SLCO6A1: variants seen among roughly 807,000 people sequenced by gnomAD.
SLCO6A1 encodes the protein cancer/testis antigen 48.
Under a neutral mutation model 72.7 loss-of-function variants are expected in SLCO6A1, and 65 were observed. The observed-to-expected ratio is 0.89, with a 90% CI of 0.73 to 1.10. The LOEUF is 1.10. SLCO6A1 is among the 50% of genes least tolerant of loss of function. The pLI is 0.00. For missense variants in SLCO6A1, 874 were observed against 872.6 expected (o/e 1.00, Z -0.02); for synonymous variants, 314 against 298.2 (o/e 1.05, Z -0.55).
At chr5:102,385,216 T>TA (rs1746347932) in intron 12 of SLCO6A1, among the ~76,000 whole-genome samples, 1 of 152,150 alleles carries the variant, frequency 6.6e-6, no homozygotes, top group Non-Finnish European at 1.5e-5. Context: ...GCTTTTCTCT[T>TA]ACTGCTTTCA....
At chr5:102,386,435 G>A (rs1466663225) in intron 12 of SLCO6A1, among the ~76,000 whole-genome samples, 1 of 152,172 alleles carries the variant, frequency 6.6e-6, no homozygotes, top group Non-Finnish European at 1.5e-5. Context: ...GTCTGCAGGG[G>A]CCAGGACTGC....
chr5:102,441,626 T>C (rs751341839), intron 6 of SLCO6A1, among the ~76,000 whole-genome samples: 5 of 152,226 alleles, frequency 3.3e-5, no homozygotes, highest in African/African-American at 4.8e-5. Context: ...ATTGGATTCA[T>C]AGATTATTTA....
chr5:102,412,986 T>C lies in SLCO6A1; in HGVS notation c.1626+4A>G. 7.8e-7 allele frequency: 1 copy of C among 1,274,400 alleles called. No individual in the cohort carries two copies. Among genetic ancestry groups the C allele is most frequent in the Non-Finnish European group, 1.0e-6 (1 of 977,422 alleles). The allele number at this position is 1,274,400 out of a possible 1,614,324, so 78.9% of individuals were successfully genotyped here. ...AAAACATAATAATTATAAAAAATAA[T>C]TACCTTTTTTTGGTTTTGTGCTTTA... On this transcript the variant is annotated splice_donor_region_variant and intron_variant, in intron 9 of 13. Coordinates refer to ENST00000506729, the MANE Select transcript of SLCO6A1 (RefSeq NM_173488.5).
chr5:102,490,938 G>A (rs528490129), intron 1 of SLCO6A1, among the ~76,000 whole-genome samples: 7 of 152,178 alleles, frequency 4.6e-5, no homozygotes, highest in African/African-American at 1.2e-4. Flanking sequence ...AGCTGGCTCC[G>A]GTAGCCTGCT....
chr5:102,390,099 G>T (rs551025692), intron 11 of SLCO6A1, among the ~76,000 whole-genome samples: 6 of 151,978 alleles, frequency 3.9e-5, no homozygotes, highest in African/African-American at 1.4e-4. Context: ...AAAATTATCT[G>T]GCAGAAAAAC....
chr5:102,441,187 A>T (rs1749813950), intron 6 of SLCO6A1, among the ~76,000 whole-genome samples: 1 of 152,142 alleles, frequency 6.6e-6, no homozygotes, highest in East Asian at 1.9e-4. Context: ...CCTCTATACC[A>T]CAGAGGTATT....
intron 7 of SLCO6A1, among the ~76,000 whole-genome samples, chr5:102,433,759 G>A (rs961796022): frequency 1.3e-5 from 2 of 152,118 alleles, no homozygotes; most frequent in East Asian, 1.9e-4. Flanking sequence ...CAGCAGCAGC[G>A]GCAGCATGGC....
At chr5:102,379,722 T>C (rs1415287101) in intron 12 of SLCO6A1, among the ~76,000 whole-genome samples, 1 of 150,742 alleles carries the variant, frequency 6.6e-6, no homozygotes, top group Non-Finnish European at 1.5e-5. Context: ...ATTCTCATAG[T>C]AATTCTTACC....
At chr5:102,402,269 C>T (rs779125992) in intron 9 of SLCO6A1, among the ~76,000 whole-genome samples, 9 of 152,108 alleles carry the variant, frequency 5.9e-5, no homozygotes, top group African/African-American at 2.2e-4. Flanking sequence ...TAGAAAGAGC[C>T]TCAAGATGAA....
At chr5:102,440,296 G>A (rs1476256366) in intron 6 of SLCO6A1, among the ~76,000 whole-genome samples, 1 of 152,148 alleles carries the variant, frequency 6.6e-6, no homozygotes, top group Admixed American at 6.5e-5. Context: ...AGCAGGAGGT[G>A]AGTGGCAGGC....
chr5:102,458,843 G>A (rs1198768227), intron 5 of SLCO6A1, among the ~76,000 whole-genome samples: 5 of 152,022 alleles, frequency 3.3e-5, no homozygotes, highest in African/African-American at 1.2e-4. Context: ...AAATATGAGG[G>A]AATAATCTTT....
Position 102,419,905 on chromosome 5 carries a change from ATATCACAGATG to A in SLCO6A1, c.1382_1392del (p.Thr461IlefsTer14). ...ATAATAAACACAAGCAGTATAAGTG[ATATCACAGATG>A]TAACCATTATAAATCTCATAAGGGC... On this transcript the variant is annotated frameshift_variant, in exon 8 of 14. Transcript: ENST00000506729. LOFTEE classifies it high-confidence loss of function. 6.2e-7 allele frequency: 1 copy of A among 1,608,772 alleles called. No homozygotes were observed. Among genetic ancestry groups the A allele is most frequent in the Non-Finnish European group, 8.5e-7 (1 of 1,178,414 alleles).
At position 102,458,387 on chromosome 5, in the gene SLCO6A1, G is replaced by A. The variant is rs1275141357; in HGVS notation, c.1126C>T (p.Leu376Phe). Reference sequence around the variant, plus strand: ...AGTAAAATATTTTACTTTACCCAAAGAGCAGCACATAAATCCTTGATATTA... The same window carrying A: ...AGTAAAATATTTTACTTTACCCAAAAAGCAGCACATAAATCCTTGATATTA... ...GTNIKDLCAA[L>F]WILMKNPVLI... Residue 376 changes from leucine to phenylalanine, a missense_variant, in exon 6 of 14, where the codon CTT (leucine) becomes TTT (phenylalanine). Coordinates refer to ENST00000506729, the MANE Select transcript of SLCO6A1 (RefSeq NM_173488.5). 14 of 1,603,224 alleles carry A rather than the reference G, an allele frequency of 8.7e-6. No individual in the cohort carries two copies. In the East Asian group the frequency reaches 2.7e-4, roughly 31 times the overall value.
chr5:102,382,623 A>C (rs1746171078), intron 12 of SLCO6A1, among the ~76,000 whole-genome samples: 1 of 151,588 alleles, frequency 6.6e-6, no homozygotes, highest in South Asian at 2.1e-4. Flanking sequence ...TGAACATAGG[A>C]TATTTCCATC....
chr5:102,486,721 A>G (rs1026059239), intron 1 of SLCO6A1, among the ~76,000 whole-genome samples: 8 of 152,122 alleles, frequency 5.3e-5, no homozygotes, highest in Non-Finnish European at 1.2e-4. Context: ...ACCAATTCCA[A>G]GCACATTTCT....
chr5:102,481,767 T>C (rs12332427), intron 1 of SLCO6A1, among the ~76,000 whole-genome samples: 1 of 152,182 alleles, frequency 6.6e-6, no homozygotes, highest in African/African-American at 2.4e-5. Flanking sequence ...AAAAGAGAGG[T>C]ACACAGTCTA....
intron 12 of SLCO6A1, among the ~76,000 whole-genome samples, chr5:102,379,242 T>C (rs924338639): frequency 5.3e-5 from 8 of 152,172 alleles, no homozygotes; most frequent in Non-Finnish European, 1.0e-4. Flanking sequence ...GTATTCCACA[T>C]TGTTATCTTT....
chr5:102,490,748 G>A (rs749209190), intron 1 of SLCO6A1, among the ~76,000 whole-genome samples: 7 of 152,034 alleles, frequency 4.6e-5, no homozygotes, highest in South Asian at 2.1e-4. Flanking sequence ...GGAGTTGTTC[G>A]TTCCTCCTGG....
chr5:102,422,146 T>C (rs950607785), intron 7 of SLCO6A1, among the ~76,000 whole-genome samples: 1 of 152,100 alleles, frequency 6.6e-6, no homozygotes, highest in Non-Finnish European at 1.5e-5. Context: ...CAAAGGTAGA[T>C]AAATCCATAA....
Sources: gnomAD v4.1 joint callset for allele counts (sites outside exome capture counted in the v4.1 genomes callset) on GRCh38, gnomAD v4.1.1 for gene constraint, MANE v1.5 for transcripts, NCBI Gene and HGNC (gene_info 2026-07-23, HGNC 2026-07-21) for gene names.